The following MYLK4 variants were observed in gnomAD, a reference collection of about 807,000 sequenced individuals.
MYLK4 encodes myosin light chain kinase family member 4, also known as caMLCK like.
In MYLK4, 46 loss-of-function variants were observed where a neutral mutation model predicts 48.1. That is an observed-to-expected ratio of 0.96 (90% CI 0.75 to 1.22). The LOEUF (loss-of-function observed/expected upper bound fraction) is 1.22. Ranked by LOEUF, MYLK4 falls within the 50% of genes most tolerant of loss-of-function variation. The pLI is 0.00. For synonymous variants in MYLK4, 170 were observed against 180.8 expected (o/e 0.94, Z 0.48); for missense variants, 451 against 486.1 (o/e 0.93, Z 0.68).
chr6:2,759,638 T>C, the MYLK4 span, among the ~76,000 whole-genome samples: 2 of 152,240 alleles, frequency 1.3e-5, no homozygotes, highest in African/African-American at 4.8e-5. Context: ...TAAATAGATG[T>C]TCATTTTCAT....
Position 2,685,282 on chromosome 6 carries a change from G to GA in MYLK4, c.545+13dup. On this transcript the variant is annotated intron_variant, in intron 6 of 12. Coordinates refer to ENST00000274643, the MANE Select transcript of MYLK4 (RefSeq NM_001012418.5). The surrounding 1 kb of genome is among the most constrained non-coding windows in gnomAD (Gnocchi z 4.5). Reference sequence around the variant, plus strand: ...CCTTGGGGAGGTCAGGGAGGGGGCGGAGGGGATACGTACTACTCCATGACC... The same window carrying GA: ...CCTTGGGGAGGTCAGGGAGGGGGCGGAAGGGGATACGTACTACTCCATGACC... 4 of 1,589,706 alleles carry GA rather than the reference G, an allele frequency of 2.5e-6. No individual in the cohort carries two copies. Among genetic ancestry groups the GA allele is most frequent in the Non-Finnish European group, 3.4e-6 (4 of 1,159,894 alleles).
the MYLK4 span, among the ~76,000 whole-genome samples, chr6:2,768,347 A>T: frequency 6.6e-6 from 1 of 152,150 alleles, no homozygotes; most frequent in South Asian, 2.1e-4. Context: ...CTTTGGTGAG[A>T]GGTCACAGCT....
chr6:2,717,270 C>T (rs927839823), intron 2 of MYLK4, among the ~76,000 whole-genome samples: 1 of 152,208 alleles, frequency 6.6e-6, no homozygotes, highest in African/African-American at 2.4e-5. Context: ...GTTAAATTTC[C>T]TTTTTACGGT....
chr6:2,763,737 G>A, the MYLK4 span, among the ~76,000 whole-genome samples: 9 of 152,338 alleles, frequency 5.9e-5, no homozygotes, highest in Non-Finnish European at 8.8e-5. Context: ...CAGGCTGAAG[G>A]GTTTCGCAAC....
chr6:2,706,418 T>G (rs555099170), intron 2 of MYLK4, among the ~76,000 whole-genome samples: 1 of 152,108 alleles, frequency 6.6e-6, no homozygotes, highest in East Asian at 1.9e-4. Flanking sequence ...GATGGATAAG[T>G]TTAGTAACTT....
At chr6:2,687,182 C>A (rs1329748690) in intron 4 of MYLK4, among the ~76,000 whole-genome samples, 1 of 152,218 alleles carries the variant, frequency 6.6e-6, no homozygotes, top group Admixed American at 6.5e-5. Context: ...TGGTCCTTGG[C>A]ATGTTGCAAT....
chr6:2,738,292 G>A (rs990051498), intron 2 of MYLK4, among the ~76,000 whole-genome samples: 2 of 152,192 alleles, frequency 1.3e-5, no homozygotes, highest in Non-Finnish European at 2.9e-5. Context: ...CTGTAGTCAA[G>A]ACTTATGACT....
At chr6:2,765,194 GCCCCTCCCCCGC>G in the MYLK4 span, among the ~76,000 whole-genome samples, 2 of 56,690 alleles carry the variant, frequency 3.5e-5, no homozygotes, top group Non-Finnish European at 3.4e-5. Flanking sequence ...CCCCCCCCCC[GCCCCTCCCCCGC>G]CCCCGCAAAG....
At chr6:2,740,535 C>T (rs1027817998) in intron 2 of MYLK4, among the ~76,000 whole-genome samples, 74 of 152,188 alleles carry the variant, frequency 4.9e-4, no homozygotes, top group African/African-American at 1.8e-3. Flanking sequence ...TGAGGTCATC[C>T]TGTCTGAAGT....
At chr6:2,702,674 G>A (rs903467367) in intron 2 of MYLK4, among the ~76,000 whole-genome samples, 3 of 152,186 alleles carry the variant, frequency 2.0e-5, no homozygotes, top group Non-Finnish European at 2.9e-5. Context: ...ACAGTGTTAA[G>A]TTGGGGAGGT....
At chr6:2,770,300 C>T in the MYLK4 span, 1 of 1,614,108 alleles carries the variant, frequency 6.2e-7, no homozygotes, top group Non-Finnish European at 8.5e-7. Flanking sequence ...CCTGGGAATC[C>T]ACGTCCTAGA....
chr6:2,671,410 G>A lies in MYLK4; in HGVS notation c.1120-62C>T, dbSNP rs1046879989. ...CTGTTTCCTTCAGGTCCTGACTTATGAGCTCACATGAAAAGACAATCACTT... is the reference window on the plus strand; with the variant it reads ...CTGTTTCCTTCAGGTCCTGACTTATAAGCTCACATGAAAAGACAATCACTT... On this transcript the variant is annotated intron_variant, in intron 11 of 12. Transcript: ENST00000274643. The A allele has an allele frequency of 5.9e-5, 87 of 1,466,754 alleles. 1 individual carries two copies. The highest frequency in any genetic ancestry group is 3.1e-4 in the Admixed American group (18 of 58,636). 90.9% of individuals were successfully genotyped at this position (1,466,754 alleles called of 1,614,324 possible). A position where few individuals can be genotyped will look rare whatever the true frequency, so the allele number is the denominator to read the frequency against.
the MYLK4 span, chr6:2,769,992 G>A: frequency 1.5e-6 from 2 of 1,337,626 alleles, no homozygotes; most frequent in South Asian, 1.4e-5. Context: ...TGAATATAAG[G>A]CTGCTGCTAT....
chr6:2,722,164 G>C (rs994895212), intron 2 of MYLK4, among the ~76,000 whole-genome samples: 1 of 152,180 alleles, frequency 6.6e-6, no homozygotes, highest in Admixed American at 6.5e-5. Flanking sequence ...AGCCCAGATT[G>C]GTTAGAAGTC....
intron 2 of MYLK4, among the ~76,000 whole-genome samples, chr6:2,711,803 T>TA (rs1239001901): frequency 6.6e-6 from 1 of 152,024 alleles, no homozygotes; most frequent in African/African-American, 2.4e-5. Flanking sequence ...CTTTTTTTTT[T>TA]AAAGGCAAAT....
In MYLK4 at chr6:2,663,756, A is replaced by T. The variant is rs1760534464; in HGVS notation, c.*4169T>A. The T allele has an allele frequency of 1.3e-5, 2 of 152,694 alleles. No homozygotes were observed. The highest frequency in any genetic ancestry group is 6.5e-5 in the Admixed American group (1 of 15,290). 9.5% of individuals were successfully genotyped at this position (152,694 alleles called of 1,614,324 possible). On this transcript the variant is annotated 3_prime_UTR_variant, in exon 13 of 13. Coordinates refer to ENST00000274643, the MANE Select transcript of MYLK4 (RefSeq NM_001012418.5). ...TTCAGAAATTTAAAATATACATGATAGACACAATCACCACGTTATGAATCC... is the reference window on the plus strand; with the variant it reads ...TTCAGAAATTTAAAATATACATGATTGACACAATCACCACGTTATGAATCC...
the MYLK4 span, among the ~76,000 whole-genome samples, chr6:2,766,904 C>T: frequency 1.3e-5 from 2 of 152,132 alleles, no homozygotes; most frequent in African/African-American, 4.8e-5. Context: ...TGCTTCCTTC[C>T]TTTTCCACTA....
At chr6:2,768,919 ACAT>A in the MYLK4 span, 42 of 1,567,024 alleles carry the variant, frequency 2.7e-5, no homozygotes, top group Non-Finnish European at 3.2e-5. Context: ...GTCGTTGTGA[ACAT>A]CAAACAATAT....
the MYLK4 span, chr6:2,766,427 C>T: frequency 1.3e-6 from 2 of 1,577,626 alleles, no homozygotes; most frequent in Non-Finnish European, 1.7e-6. Context: ...CCTGTGGGGG[C>T]CGCCGGGCTG....
Sources: gnomAD v4.1 joint callset for allele counts (sites outside exome capture counted in the v4.1 genomes callset) on GRCh38, gnomAD v4.1.1 for gene constraint, Gnocchi (gnomAD v3.1) non-coding constraint, MANE v1.5 for transcripts, NCBI Gene and HGNC (gene_info 2026-07-23, HGNC 2026-07-21) for gene names.